The following NOL10 variants were observed in gnomAD, a reference collection of about 807,000 sequenced individuals.
NOL10 encodes the protein H_NH0074G24.1.
A neutral mutation model predicts 103.5 loss-of-function variants in NOL10; 58 were observed. The ratio of observed to expected loss-of-function variants is 0.56; its 90% CI spans 0.45 to 0.70. The LOEUF (loss-of-function observed/expected upper bound fraction) is 0.70, where lower values mean the gene tolerates loss of function less well. Among genes scored for constraint, NOL10 ranks in the 30% least tolerant of loss-of-function variants. NOL10 has a pLI of 0.00. For missense variants in NOL10, 763 were observed against 807.3 expected (o/e 0.95, Z 0.67); for synonymous variants, 287 against 282.5 (o/e 1.02, Z -0.16).
chr2:10,656,504 G>A (rs1012910144), intron 11 of NOL10, among the ~76,000 whole-genome samples: 1 of 152,210 alleles, frequency 6.6e-6, no homozygotes, highest in African/African-American at 2.4e-5. Flanking sequence ...CACAGCTCTG[G>A]TCTCCAGGAC....
intron 13 of NOL10, chr2:10,634,535 T>C (rs539978184): frequency 2.2e-6 from 1 of 456,732 alleles, no homozygotes; most frequent in East Asian, 6.9e-5. Context: ...GGTGGATATG[T>C]ACCTCTGTAG....
chr2:10,624,325 G>A (rs988541197), intron 13 of NOL10, among the ~76,000 whole-genome samples: 4 of 151,922 alleles, frequency 2.6e-5, no homozygotes, highest in Non-Finnish European at 5.9e-5. Flanking sequence ...ACTGAAGCCT[G>A]GGCAACAGAG....
intron 16 of NOL10, 39 bp downstream of exon 16, chr2:10,602,737 C>T (rs2148186323): frequency 8.1e-7 from 1 of 1,240,908 alleles, no homozygotes; most frequent in Non-Finnish European, 1.1e-6. Flanking sequence ...AAATTAAGTA[C>T]TCTTCTCTGA....
Position 10,681,982 on chromosome 2 carries a change from A to G in NOL10, c.200T>C (p.Ile67Thr). The G allele has an allele frequency of 6.9e-7, 1 of 1,442,334 alleles. No homozygotes were observed. Among genetic ancestry groups the G allele is most frequent in the African/African-American group, 1.4e-5 (1 of 69,738 alleles). The allele number at this position is 1,442,334 out of a possible 1,614,324, so 89.3% of individuals were successfully genotyped here. A position where few individuals can be genotyped will look rare whatever the true frequency, so the allele number is the denominator to read the frequency against. The change falls in exon 3 of 21, where the codon ATT becomes ACT. Residue 67 changes from isoleucine to threonine, a missense_variant. Ile to Thr is a moderately conservative substitution (Grantham distance 89, BLOSUM62 -1). Coordinates refer to ENST00000381685, the MANE Select transcript of NOL10 (RefSeq NM_024894.4). ...AAAAAGATGCTTACCAGTTGCTAAA[A>G]TGTACTGTCCATCTTTTGACACCTT... ...TIKVSKDGQYILATGTYKPRV... is the reference protein window; with the variant it reads ...TIKVSKDGQYTLATGTYKPRV...
intron 13 of NOL10, among the ~76,000 whole-genome samples, chr2:10,609,717 AG>A (rs1676455761): frequency 6.6e-6 from 1 of 152,226 alleles, no homozygotes; most frequent in Non-Finnish European, 1.5e-5. Flanking sequence ...ATCTGCTTCC[AG>A]TGAGTCATAA....
At chr2:10,596,270 C>A (rs1352415422) in intron 17 of NOL10, among the ~76,000 whole-genome samples, 2 of 85,958 alleles carry the variant, frequency 2.3e-5, no homozygotes, top group Non-Finnish European at 4.4e-5. Context: ...GGGCGGGGGG[C>A]GGGCGCGAGG....
chr2:10,679,913 G>A (rs908458290), intron 3 of NOL10, among the ~76,000 whole-genome samples: 13 of 151,732 alleles, frequency 8.6e-5, no homozygotes, highest in Admixed American at 2.0e-4. Flanking sequence ...GAGCCACCCC[G>A]CCCAGCCCAC....
intron 2 of NOL10, among the ~76,000 whole-genome samples, chr2:10,683,668 C>G (rs1681942520): frequency 6.6e-6 from 1 of 152,196 alleles, no homozygotes; most frequent in African/African-American, 2.4e-5. Context: ...CACAGGTTTG[C>G]TTACTGCTTG....
intron 3 of NOL10, among the ~76,000 whole-genome samples, chr2:10,681,282 TAA>T (rs36092643): frequency 0.028 from 4,034 of 144,844 alleles, 195 homozygotes; most frequent in African/African-American, 0.092. Context: ...CTTTTGGTAA[TAA>T]AAAAAAAAAA....
chr2:10,601,792 C>T (rs1675986973), intron 16 of NOL10, among the ~76,000 whole-genome samples: 1 of 152,110 alleles, frequency 6.6e-6, no homozygotes, highest in Non-Finnish European at 1.5e-5. Flanking sequence ...CCATGGGCAA[C>T]AAAGCAAGAT....
intron 7 of NOL10, 99 bp from the exon 8 acceptor site, chr2:10,667,377 A>C: frequency 1.2e-6 from 1 of 846,260 alleles, no homozygotes; most frequent in Non-Finnish European, 1.9e-6. Flanking sequence ...AATTCTGAGT[A>C]GAAAGAAGAC....
rs547672751 is a variant in NOL10, at chr2:10,642,204, T to A, written c.1026+2116A>T. ...AGCATTCTTGTGATCTATACAGCTC[T>A]CTATCAATGAACACCTCTGAGACAT... is the stretch of plus-strand genomic sequence containing the variant. On this transcript the variant is annotated intron_variant, in intron 13 of 20. Transcript: ENST00000381685. Among the ~76,000 whole-genome samples, 166 of 152,306 alleles carry A rather than the reference T, an allele frequency of 1.1e-3. 1 individual carries two copies. The highest frequency in any genetic ancestry group is 3.9e-3 in the African/African-American group (162 of 41,572).
chr2:10,640,226 G>A (rs34565728), intron 13 of NOL10, among the ~76,000 whole-genome samples: 32,136 of 152,122 alleles, frequency 0.21, 4,419 homozygotes, highest in East Asian at 0.44. Flanking sequence ...CCTGCCAAAC[G>A]TCAACTTGGT....
intron 14 of NOL10, among the ~76,000 whole-genome samples, chr2:10,605,738 T>G (rs1676220065): frequency 6.6e-6 from 1 of 152,174 alleles, no homozygotes. Context: ...CAGCATATTA[T>G]GAAAATTACG....
chr2:10,647,144 CA>C (rs939386845), intron 12 of NOL10, among the ~76,000 whole-genome samples: 2 of 152,112 alleles, frequency 1.3e-5, no homozygotes, highest in African/African-American at 2.4e-5. Context: ...CACCTGGAGT[CA>C]AAAGAACACA....
intron 16 of NOL10, 123 bp downstream of exon 16, chr2:10,602,653 A>C: frequency 1.5e-6 from 1 of 658,232 alleles, no homozygotes; most frequent in Non-Finnish European, 2.6e-6. Context: ...CAAAAATATC[A>C]GTAAAAGATG....
chr2:10,587,031 A>G (rs908987208), intron 19 of NOL10, among the ~76,000 whole-genome samples: 2 of 140,512 alleles, frequency 1.4e-5, no homozygotes, highest in Middle Eastern at 3.6e-3. Flanking sequence ...TAAATAACAC[A>G]AAAAGTTAAA....
intron 13 of NOL10, among the ~76,000 whole-genome samples, chr2:10,630,505 G>T (rs1677764692): frequency 6.6e-6 from 1 of 152,154 alleles, no homozygotes; most frequent in South Asian, 2.1e-4. Flanking sequence ...GAGGTCAGGA[G>T]ATTGAGACTA....
chr2:10,643,285 T>A (rs756139359), intron 13 of NOL10, among the ~76,000 whole-genome samples: 1 of 152,100 alleles, frequency 6.6e-6, no homozygotes, highest in Non-Finnish European at 1.5e-5. Context: ...TGAGCAATTT[T>A]AAAAGGACTA....
Sources: allele counts gnomAD v4.1 joint callset (sites outside exome capture counted in the v4.1 genomes callset), GRCh38; gene constraint gnomAD v4.1.1; transcripts MANE v1.5; gene names NCBI Gene and HGNC (gene_info 2026-07-23, HGNC 2026-07-21).